The following PLN variants were observed in gnomAD, a reference collection of about 807,000 sequenced individuals.
PLN encodes the protein cardiac phospholamban.
In PLN, 1 loss-of-function variant was observed where a neutral mutation model predicts 3.9. The ratio of observed to expected loss-of-function variants is 0.26; its 90% CI spans 0.09 to 1.23. The LOEUF (loss-of-function observed/expected upper bound fraction) is 1.23. Among genes scored for constraint, PLN ranks in the 50% most tolerant of loss-of-function variants. PLN has a pLI of 0.48. For missense variants in PLN, 59 were observed against 62.7 expected (o/e 0.94, Z 0.20); for synonymous variants, 21 against 20.5 (o/e 1.02, Z -0.07).
chr6:118,558,660 C>CACACACACACACAGAG (rs1318088942), intron 1 of PLN, among the ~76,000 whole-genome samples, 165 bp from the exon 2 acceptor site: 2 of 122,216 alleles, frequency 1.6e-5, no homozygotes, highest in African/African-American at 6.5e-5. Context: ...CACACACACA[C>CACACACACACACAGAG]AGAGAGAGAG....
intron 1 of PLN, among the ~76,000 whole-genome samples, chr6:118,556,212 G>C (rs973539944): frequency 6.6e-6 from 1 of 152,154 alleles, no homozygotes; most frequent in African/African-American, 2.4e-5. Context: ...TTTATAAGCT[G>C]CTATTTTCTA....
intron 1 of PLN, among the ~76,000 whole-genome samples, chr6:118,549,954 C>T (rs1020113547): frequency 2.6e-5 from 4 of 151,842 alleles, no homozygotes; most frequent in African/African-American, 9.7e-5. Context: ...TAGTACCATA[C>T]ATTGTGTCCC....
At chr6:118,548,423 T>C (rs1778338528) in intron 1 of PLN, 31 bp downstream of exon 1, 1 of 152,152 alleles carries the variant, frequency 6.6e-6, no homozygotes, top group African/African-American at 2.4e-5. Context: ...ACTTTGGTAA[T>C]TCTTACTTTC....
At position 118,558,831 on chromosome 6, in the gene PLN, T is replaced by C; in HGVS notation, c.-91T>C. On this transcript the variant is annotated 5_prime_UTR_variant, in exon 2 of 2. The change abolishes the stop of an existing upstream ORF in the 5' untranslated region. Transcript: ENST00000357525. Reference sequence around the variant, plus strand: ...TATTATTTTTACATTCCAGGCTACCTAAAAGAAGACAGTTATCTCATATTT... The same window carrying C: ...TATTATTTTTACATTCCAGGCTACCCAAAAGAAGACAGTTATCTCATATTT... The C allele has an allele frequency of 2.3e-6, 2 of 875,280 alleles. No individual in the cohort carries two copies. Among genetic ancestry groups the C allele is most frequent in the South Asian group, 1.4e-5 (1 of 73,192 alleles). 54.2% of individuals were successfully genotyped at this position (875,280 alleles called of 1,614,324 possible).
At chr6:118,557,029 G>C (rs1778919521) in intron 1 of PLN, among the ~76,000 whole-genome samples, 1 of 152,106 alleles carries the variant, frequency 6.6e-6, no homozygotes, top group African/African-American at 2.4e-5. Context: ...TCTGTAAATA[G>C]GATATGTCTG....
intron 1 of PLN, 138 bp from the exon 2 acceptor site, chr6:118,558,682 GAGAGA>G: frequency 3.7e-6 from 2 of 533,548 alleles, no homozygotes; most frequent in Non-Finnish European, 6.7e-6. Context: ...GAGAGAGAGA[GAGAGA>G]GGGAGAGAGA....
chr6:118,556,890 TATAATTTTTC>T (rs1382778049), intron 1 of PLN, among the ~76,000 whole-genome samples: 1 of 152,230 alleles, frequency 6.6e-6, no homozygotes, highest in African/African-American at 2.4e-5. Flanking sequence ...TCAGTCTATA[TATAATTTTTC>T]TGTAATGACA....
rs143630657 is a variant in PLN at position 118,553,499 on chromosome 6, C to T, written c.-98+5107C>T. On this transcript the variant is annotated intron_variant, in intron 1 of 1. Coordinates refer to ENST00000357525, the MANE Select transcript of PLN (RefSeq NM_002667.5). Reference sequence around the variant, plus strand: ...CAGATGATAACTGTAAAAAATTGAGCCCAATAAATTAAATGTATATCATTA... The same window carrying T: ...CAGATGATAACTGTAAAAAATTGAGTCCAATAAATTAAATGTATATCATTA... Among the ~76,000 whole-genome samples, 700 of 152,190 alleles carry T rather than the reference C, an allele frequency of 4.6e-3. 5 individuals carry two copies. The highest frequency in any genetic ancestry group is 0.016 in the African/African-American group (667 of 41,508).
Position 118,558,903 on chromosome 6 carries a change from T to C in PLN, c.-19T>C. On this transcript the variant is annotated 5_prime_UTR_variant, in exon 2 of 2. Coordinates refer to ENST00000357525, the MANE Select transcript of PLN (RefSeq NM_002667.5). ...CTCTCGACCACTTAAAACTTCAGAC[T>C]TCCTGTCCTGCTGGTATCATGGAGA... 1 of 1,611,104 alleles carries C rather than the reference T, an allele frequency of 6.2e-7. No individual in the cohort carries two copies. Among genetic ancestry groups the C allele is most frequent in the South Asian group, 1.1e-5 (1 of 91,004 alleles).
At chr6:118,550,700 A>G (rs1359832431) in intron 1 of PLN, among the ~76,000 whole-genome samples, 1 of 151,942 alleles carries the variant, frequency 6.6e-6, no homozygotes, top group Admixed American at 6.6e-5. Context: ...ACTGATCAGC[A>G]TGGCTTAAAG....
rs116666676 is a variant in PLN at position 118,561,213 on chromosome 6, T to C, written c.*2133T>C. On this transcript the variant is annotated 3_prime_UTR_variant, in exon 2 of 2. Transcript: ENST00000357525. ...TTCCTAAAAACAAGTAGAAAGCTTA[T>C]AAACAACAGGTGATACACTCACCTC... Among the ~76,000 whole-genome samples the C allele has an allele frequency of 1.6e-3, 249 of 152,290 alleles. 1 individual carries two copies. The highest frequency in any genetic ancestry group is 5.6e-3 in the African/African-American group (231 of 41,560).
intron 1 of PLN, among the ~76,000 whole-genome samples, chr6:118,554,352 G>A (rs1778726452): frequency 6.6e-6 from 1 of 152,074 alleles, no homozygotes; most frequent in Non-Finnish European, 1.5e-5. Context: ...TCATTATGTT[G>A]CCCAAGCTGG....
At chr6:118,551,053 T>G (rs1778513698) in intron 1 of PLN, among the ~76,000 whole-genome samples, 1 of 151,850 alleles carries the variant, frequency 6.6e-6, no homozygotes, top group Admixed American at 6.6e-5. Flanking sequence ...GCTAAAATAC[T>G]CATGCCTTCA....
In PLN at chr6:118,560,944, G is replaced by C. The variant is rs1242007376; in HGVS notation, c.*1864G>C. 6.6e-6 allele frequency among the ~76,000 whole-genome samples: 1 copy of C among 152,168 alleles called. No individual in the cohort carries two copies. On this transcript the variant is annotated 3_prime_UTR_variant, in exon 2 of 2. Transcript: ENST00000357525. ...GTTACTAATATAACTATTATTAAAA[G>C]AGTAGAGGATGTGTAATTAACCATA...
intron 1 of PLN, among the ~76,000 whole-genome samples, chr6:118,555,119 T>C (rs1778775627): frequency 6.6e-6 from 1 of 152,206 alleles, no homozygotes; most frequent in Admixed American, 6.5e-5. Context: ...AACTGTATTC[T>C]GCTACACATC....
chr6:118,555,858 GTTC>G (rs1187085099), intron 1 of PLN, among the ~76,000 whole-genome samples: 1 of 152,086 alleles, frequency 6.6e-6, no homozygotes, highest in Non-Finnish European at 1.5e-5. Flanking sequence ...GTGTTCATAA[GTTC>G]TTATCATCTT....
In PLN at chr6:118,559,617, T is replaced by C. The variant is rs1779107794; in HGVS notation, c.*537T>C. ...ATTATAAAGAACTATTTGTAGTAAC[T>C]ATCAGAATCTACATTCTAAAACAGA... On this transcript the variant is annotated 3_prime_UTR_variant, in exon 2 of 2. Transcript: ENST00000357525. The C allele has an allele frequency of 5.9e-6, 1 of 170,332 alleles. No homozygotes were observed. The highest frequency in any genetic ancestry group is 6.2e-5 in the Admixed American group (1 of 16,032). The allele number at this position is 170,332 out of a possible 1,614,324, so 10.6% of individuals were successfully genotyped here.
At chr6:118,551,557 T>C (rs909916014) in intron 1 of PLN, among the ~76,000 whole-genome samples, 1 of 151,976 alleles carries the variant, frequency 6.6e-6, no homozygotes, top group Admixed American at 6.6e-5. Flanking sequence ...AAGGCAAACC[T>C]ACAGACAATA....
At chr6:118,553,917 T>G (rs1023021262) in intron 1 of PLN, among the ~76,000 whole-genome samples, 11 of 152,158 alleles carry the variant, frequency 7.2e-5, no homozygotes, top group Non-Finnish European at 1.3e-4. Context: ...GAAAGAGACT[T>G]GAGGAAAATA....
Sources: gnomAD v4.1 joint callset for allele counts (sites outside exome capture counted in the v4.1 genomes callset) on GRCh38, gnomAD v4.1.1 for gene constraint, MANE v1.5 for transcripts, NCBI Gene and HGNC (gene_info 2026-07-23, HGNC 2026-07-21) for gene names.